Variants in KIAA1328 observed in about 807,000 individuals in gnomAD.
KIAA1328 encodes the protein KIAA1328, also known as protein hinderin.
KIAA1328 carries 52 observed loss-of-function variants against 68.1 expected under a neutral mutation model. The ratio of observed to expected loss-of-function variants is 0.76; its 90% confidence interval spans 0.61 to 0.96. The LOEUF (loss-of-function observed/expected upper bound fraction) is 0.96, where lower values mean the gene tolerates loss of function less well. Ranked by LOEUF, KIAA1328 falls within the 40% of genes least tolerant of loss-of-function variation. KIAA1328 has a pLI of 0.00. For missense variants in KIAA1328, 641 were observed against 677.6 expected, an observed-to-expected ratio of 0.95 and a Z score of 0.60; for synonymous variants, 232 against 239.4, an observed-to-expected ratio of 0.97 and a Z score of 0.28.
At chr18:36,851,674 A>G (rs934664548) in intron 4 of KIAA1328, among the ~76,000 whole-genome samples, 1 of 149,750 alleles carries the variant, frequency 6.7e-6, no homozygotes, top group African/African-American at 2.5e-5. Context: ...TTCTAATTTT[A>G]TTTACATTAT....
At chr18:36,918,486 C>T (rs1328972866) in intron 5 of KIAA1328, among the ~76,000 whole-genome samples, 1 of 148,798 alleles carries the variant, frequency 6.7e-6, no homozygotes, top group Non-Finnish European at 1.5e-5. Context: ...AATCTTGGCT[C>T]ACTGCAACCT....
At chr18:37,211,922 A>G (rs1045666651) in intron 9 of KIAA1328, among the ~76,000 whole-genome samples, 3 of 152,134 alleles carry the variant, frequency 2.0e-5, no homozygotes, top group Admixed American at 6.5e-5. Flanking sequence ...TTTCCCAATT[A>G]TTTTGGCTCT....
intron 1 of KIAA1328, among the ~76,000 whole-genome samples, chr18:36,831,366 TG>T (rs1472844781): frequency 6.6e-6 from 1 of 152,208 alleles, no homozygotes; most frequent in African/African-American, 2.4e-5. Flanking sequence ...TCAGCAGTGC[TG>T]TTTTGCACAA....
chr18:37,110,271 T>A (rs1030003325), intron 7 of KIAA1328, among the ~76,000 whole-genome samples: 2 of 152,210 alleles, frequency 1.3e-5, no homozygotes, highest in Non-Finnish European at 2.9e-5. Context: ...AGTGTTTCAC[T>A]TATACTACTG....
intron 7 of KIAA1328, among the ~76,000 whole-genome samples, chr18:37,145,055 T>C (rs1246904900): frequency 1.3e-5 from 2 of 151,826 alleles, no homozygotes; most frequent in Non-Finnish European, 2.9e-5. Flanking sequence ...GGCAACGTGG[T>C]GAAAACCCAT....
chr18:36,925,239 A>G (rs2050068906), intron 5 of KIAA1328, among the ~76,000 whole-genome samples: 1 of 152,184 alleles, frequency 6.6e-6, no homozygotes, highest in East Asian at 1.9e-4. Flanking sequence ...GATTTTAGGT[A>G]AAAACAGAAG....
intron 6 of KIAA1328, among the ~76,000 whole-genome samples, chr18:36,980,404 A>G (rs1332514511): frequency 6.6e-6 from 1 of 152,098 alleles, no homozygotes; most frequent in Non-Finnish European, 1.5e-5. Flanking sequence ...TTCTCTTGAT[A>G]AGGAAGGAGA....
chr18:37,028,239 G>A (rs529125505), intron 6 of KIAA1328, among the ~76,000 whole-genome samples: 49 of 152,208 alleles, frequency 3.2e-4, no homozygotes, highest in Non-Finnish European at 5.6e-4. Flanking sequence ...TTCTTATAGA[G>A]ATCTTTTACC....
intron 6 of KIAA1328, among the ~76,000 whole-genome samples, chr18:36,992,167 G>T (rs1396514793): frequency 6.6e-6 from 1 of 152,086 alleles, no homozygotes; most frequent in African/African-American, 2.4e-5. Context: ...TTAAACCTTT[G>T]TTGGTTATGT....
rs568381076 is a variant in KIAA1328, at chr18:37,058,750, A to C, written c.577-8140A>C. Among the ~76,000 whole-genome samples the C allele has an allele frequency of 6.6e-5, 10 of 152,146 alleles. No homozygotes were observed. In the East Asian group the frequency reaches 1.9e-3, roughly 29 times the overall value. On this transcript the variant is annotated intron_variant, in intron 6 of 9. Transcript: ENST00000280020. Reference sequence around the variant, plus strand: ...TAATAAAATAAATAAATAAATAAACAAGTAAAACTGAACTCTAGTATGGAT... The same window carrying C: ...TAATAAAATAAATAAATAAATAAACCAGTAAAACTGAACTCTAGTATGGAT...
rs2059448165 is a variant in KIAA1328, at chr18:37,169,170, A to ATAT, written c.1415-3802_1415-3801insATT. Among the ~76,000 whole-genome samples the ATAT allele has an allele frequency of 6.1e-5, 8 of 131,176 alleles. No homozygotes were observed. In the East Asian group the frequency reaches 6.5e-4, roughly 11 times the overall value. The allele number at this position is 131,176 out of a possible 152,430, so 86.1% of individuals were successfully genotyped here. A position where few individuals can be genotyped will look rare whatever the true frequency, so the allele number is the denominator to read the frequency against. On this transcript the variant is annotated intron_variant, in intron 8 of 9. Transcript: ENST00000280020. The stretch of plus-strand genomic sequence containing the variant: ...TTTATTTATTTATTTATTTATTTAT[A>ATAT]TTTTTTTTTTTTTGAGACAGAGTCT...
chr18:37,183,385 A>G (rs549022187), intron 9 of KIAA1328, among the ~76,000 whole-genome samples: 17 of 152,312 alleles, frequency 1.1e-4, no homozygotes, highest in African/African-American at 2.9e-4. Context: ...TTGAATCACA[A>G]TTGCCCATGA....
rs185207840 is a variant in KIAA1328 at position 37,018,031 on chromosome 18, C to G, written c.577-48859C>G. On this transcript the variant is annotated intron_variant, in intron 6 of 9. Transcript: ENST00000280020. ...TGTTCAGCTGGTTGCCTTGTACTTT[C>G]TATTGTGTTTTTGGTTTATAGTCTC... Among the ~76,000 whole-genome samples, 4 of 151,988 alleles carry G rather than the reference C, an allele frequency of 2.6e-5. No homozygotes were observed. The East Asian group carries it at 7.7e-4, about 29-fold the overall frequency.
intron 6 of KIAA1328, among the ~76,000 whole-genome samples, chr18:37,037,467 CTT>C (rs1019388026): frequency 1.3e-5 from 2 of 152,136 alleles, no homozygotes; most frequent in Non-Finnish European, 2.9e-5. Flanking sequence ...TTTTTTGTCT[CTT>C]TCCACTAGAA....
At chr18:37,029,016 A>G (rs1356877414) in intron 6 of KIAA1328, among the ~76,000 whole-genome samples, 1 of 152,086 alleles carries the variant, frequency 6.6e-6, no homozygotes, top group African/African-American at 2.4e-5. Context: ...TGGCGTCAGA[A>G]TTATATTAGC....
At chr18:37,205,435 A>G (rs920019944) in intron 9 of KIAA1328, among the ~76,000 whole-genome samples, 10 of 152,224 alleles carry the variant, frequency 6.6e-5, no homozygotes, top group Non-Finnish European at 1.0e-4. Context: ...AAGACAGGCA[A>G]CAAAACCCAT....
At chr18:36,855,368 T>A (rs1051396640) in intron 4 of KIAA1328, among the ~76,000 whole-genome samples, 5 of 152,300 alleles carry the variant, frequency 3.3e-5, no homozygotes, top group African/African-American at 1.2e-4. Flanking sequence ...AATGATATCT[T>A]ATTGCAGTTT....
intron 4 of KIAA1328, among the ~76,000 whole-genome samples, chr18:36,847,779 G>C (rs923061484): frequency 6.6e-6 from 1 of 151,364 alleles, no homozygotes; most frequent in African/African-American, 2.4e-5. Flanking sequence ...TGTGGTCCAG[G>C]CTTTTAGTGC....
chr18:37,177,940 C>T (rs552750278), intron 9 of KIAA1328, among the ~76,000 whole-genome samples: 5 of 152,056 alleles, frequency 3.3e-5, no homozygotes, highest in Non-Finnish European at 5.9e-5. Context: ...GCACATCCAT[C>T]GCCTCATACA....
Sources: allele counts gnomAD v4.1 joint callset (sites outside exome capture counted in the v4.1 genomes callset), GRCh38; gene constraint gnomAD v4.1.1; transcripts MANE v1.5; gene names NCBI Gene and HGNC (gene_info 2026-07-23, HGNC 2026-07-21).